PCDHB15: variants seen among roughly 807,000 people sequenced by gnomAD.
PCDHB15 encodes protocadherin beta-15.
For missense variants in PCDHB15, 1,032 were observed against 991.7 expected (o/e 1.04, Z -0.55); for synonymous variants, 492 against 447.9 (o/e 1.10, Z -1.24).
rs782593564 is a variant in PCDHB15 at position 141,246,408 on chromosome 5, TATC to T, written c.833_835del (p.Ser278del). On this transcript the variant is annotated inframe_deletion, in exon 1 of 1. Transcript: ENST00000231173. ...TTAGACACTGGGACAAATGGAGAGA[TATC>T]ATACTCCCTTTATTACAGCTCTCAG... 2 of 1,613,584 alleles carry T rather than the reference TATC, an allele frequency of 1.2e-6. No homozygotes were observed. Among genetic ancestry groups the T allele is most frequent in the South Asian group, 1.1e-5 (1 of 91,080 alleles).
In PCDHB15 at chr5:141,246,869, C is replaced by T; in HGVS notation, c.1291C>T (p.Leu431=). 1 of 1,614,146 alleles carries T rather than the reference C, an allele frequency of 6.2e-7. No individual in the cohort carries two copies. The highest frequency in any genetic ancestry group is 1.1e-5 in the South Asian group (1 of 91,080). ...ITITDLGTPR[L]KTEQSITVLV... ...CATCACAGACTTGGGGACTCCAAGGCTGAAAACCGAGCAGAGCATAACCGT... is the reference window on the plus strand; with the variant it reads ...CATCACAGACTTGGGGACTCCAAGGTTGAAAACCGAGCAGAGCATAACCGT... Residue 431 remains leucine (L), a synonymous_variant, in exon 1 of 1, where the codon CTG becomes TTG. Coordinates refer to ENST00000231173, the MANE Select transcript of PCDHB15 (RefSeq NM_018935.4).
Position 141,247,705 on chromosome 5 carries a change from G to A in PCDHB15, c.2127G>A (p.Val709=). The A allele has an allele frequency of 1.2e-6, 2 of 1,612,696 alleles. No homozygotes were observed. Among genetic ancestry groups the A allele is most frequent in the Non-Finnish European group, 8.5e-7 (1 of 1,179,968 alleles). Reference sequence around the variant, plus strand: ...TCCTCTTCTCGGTGTTCCTGTTCGTGGCAGTGCGGCTGTGCAGGAGGAGCA... The same window carrying A: ...TCCTCTTCTCGGTGTTCCTGTTCGTAGCAGTGCGGCTGTGCAGGAGGAGCA... ...SLFLFSVFLF[V]AVRLCRRSRA... is the part of the protein sequence containing the mutation. Residue 709 remains valine, a synonymous_variant, in exon 1 of 1, where the codon GTG becomes GTA. Coordinates refer to ENST00000231173, the MANE Select transcript of PCDHB15 (RefSeq NM_018935.4).
Position 141,247,262 on chromosome 5 carries a change from C to G in PCDHB15, c.1684C>G (p.Leu562Val). ...CGCCAACGACAACTCGCCCTTCGTG[C>G]TGTACCCGCTGCAGAACGGCTCCGC... ...LDANDNSPFV[L>V]YPLQNGSAPC... The change falls in exon 1 of 1, where the codon CTG (leucine) becomes GTG (valine). Residue 562 changes from leucine (L) to valine (V), a missense_variant. Leu to Val is a conservative substitution (Grantham distance 32). Transcript: ENST00000231173. The G allele has an allele frequency of 6.2e-7, 1 of 1,611,250 alleles. No individual in the cohort carries two copies. Among genetic ancestry groups the G allele is most frequent in the Non-Finnish European group, 8.5e-7 (1 of 1,179,570 alleles).
rs782156302 is a variant in PCDHB15 at position 141,247,838 on chromosome 5, T to C, written c.2260T>C (p.Cys754Arg). ...TLSQSYQYEVCLTGGSESNDF... is the reference protein window; with the variant it reads ...TLSQSYQYEVRLTGGSESNDF... The stretch of plus-strand genomic sequence containing the variant: ...TTCCCAGAGCTACCAGTACGAGGTG[T>C]GTCTGACGGGAGGCTCTGAAAGTAA... Residue 754 changes from cysteine to arginine, a missense_variant, in exon 1 of 1, where the codon TGT becomes CGT. Coordinates refer to ENST00000231173, the MANE Select transcript of PCDHB15 (RefSeq NM_018935.4). 1 of 1,614,212 alleles carries C rather than the reference T, an allele frequency of 6.2e-7. No homozygotes were observed. Among genetic ancestry groups the C allele is most frequent in the East Asian group, 2.2e-5 (1 of 44,876 alleles).
In PCDHB15 at chr5:141,247,387, G is replaced by A. The variant is rs782813959; in HGVS notation, c.1809G>A (p.Ser603=). 22 of 1,605,050 alleles carry A rather than the reference G, an allele frequency of 1.4e-5. No individual in the cohort carries two copies. The Admixed American group carries it at 3.5e-4, about 26-fold the overall frequency. The part of the protein sequence containing the change: ...DGDSGQNAWL[S]YQLLKATEPG... ...ACTCGGGCCAGAACGCCTGGCTGTCGTACCAGCTGCTCAAGGCCACGGAGC... is the reference window on the plus strand; with the variant it reads ...ACTCGGGCCAGAACGCCTGGCTGTCATACCAGCTGCTCAAGGCCACGGAGC... Residue 603 remains serine, a synonymous_variant, in exon 1 of 1, where the codon TCG becomes TCA. Transcript: ENST00000231173.
At position 141,248,027 on chromosome 5, in the gene PCDHB15, T is replaced by C; in HGVS notation, c.*85T>C. 7.5e-7 allele frequency: 1 copy of C among 1,332,466 alleles called. No homozygotes were observed. The highest frequency in any genetic ancestry group is 1.0e-6 in the Non-Finnish European group (1 of 987,442). 82.5% of individuals were successfully genotyped at this position (1,332,466 alleles called of 1,614,324 possible). On this transcript the variant is annotated 3_prime_UTR_variant, in exon 1 of 1. Coordinates refer to ENST00000231173, the MANE Select transcript of PCDHB15 (RefSeq NM_018935.4). Reference sequence around the variant, plus strand: ...AGTTTTTTTTAACCCTTTAGTAATCTTGAATTCTACTTTTTTTTAAATTTC... The same window carrying C: ...AGTTTTTTTTAACCCTTTAGTAATCCTGAATTCTACTTTTTTTTAAATTTC...
Position 141,246,746 on chromosome 5 carries a change from C to T in PCDHB15, c.1168C>T (p.Pro390Ser). The T allele has an allele frequency of 6.2e-7, 1 of 1,613,952 alleles. No individual in the cohort carries two copies. The highest frequency in any genetic ancestry group is 1.1e-5 in the South Asian group (1 of 91,074). The change falls in exon 1 of 1, where the codon CCT (proline) becomes TCT (serine). Residue 390 changes from proline to serine, a missense_variant. Physicochemically the swap from Pro to Ser is moderately conservative, Grantham distance 74 (BLOSUM62 -1). Coordinates refer to ENST00000231173, the MANE Select transcript of PCDHB15 (RefSeq NM_018935.4). ...GATTTGCTCAATTCAGGATGATGTT[C>T]CTTTTAAGCTAAAACCTTCTGTTGA... ...KMICSIQDDV[P>S]FKLKPSVENF...
Position 141,246,887 on chromosome 5 carries a change from A to G in PCDHB15, c.1309A>G (p.Ile437Val). 6.2e-7 allele frequency: 1 copy of G among 1,614,076 alleles called. No individual in the cohort carries two copies. The highest frequency in any genetic ancestry group is 8.5e-7 in the Non-Finnish European group (1 of 1,180,022). The stretch of plus-strand genomic sequence containing the variant: ...TCCAAGGCTGAAAACCGAGCAGAGC[A>G]TAACCGTGCTGGTGTCGGACGTCAA... ...GTPRLKTEQS[I>V]TVLVSDVNDN... Residue 437 changes from isoleucine (I) to valine (V), a missense_variant, in exon 1 of 1, where the codon ATA becomes GTA. By Grantham distance (29) the Ile-to-Val change is conservative. Transcript: ENST00000231173.
Position 141,247,637 on chromosome 5 carries a change from A to C in PCDHB15, c.2059A>C (p.Thr687Pro). 6.2e-7 allele frequency: 1 copy of C among 1,610,190 alleles called. No individual in the cohort carries two copies. The highest frequency in any genetic ancestry group is 8.5e-7 in the Non-Finnish European group (1 of 1,179,760). ...GGCCCAAGCCCAGGCCGACTCGCTT[A>C]CCGTCTACCTGGTGGTGGCATTGGC... ...APAQAQADSL[T>P]VYLVVALASV... is the part of the protein sequence containing the mutation. The change falls in exon 1 of 1, where the codon ACC (threonine) becomes CCC (proline). Residue 687 changes from threonine (T) to proline (P), a missense_variant. Thr to Pro is a conservative substitution (Grantham distance 38, BLOSUM62 -1). Coordinates refer to ENST00000231173, the MANE Select transcript of PCDHB15 (RefSeq NM_018935.4).
In PCDHB15 at chr5:141,247,657, A is replaced by T. The variant is rs141485224; in HGVS notation, c.2079A>T (p.Ala693=). The change falls in exon 1 of 1, where the codon GCA becomes GCT. Residue 693 remains alanine (A), a synonymous_variant. Coordinates refer to ENST00000231173, the MANE Select transcript of PCDHB15 (RefSeq NM_018935.4). ...ADSLTVYLVV[A]LASVSSLFLF... The stretch of plus-strand genomic sequence containing the variant: ...CGCTTACCGTCTACCTGGTGGTGGC[A>T]TTGGCCTCGGTGTCTTCGCTCTTCC... 3.1e-6 allele frequency: 5 copies of T among 1,610,180 alleles called. No individual in the cohort carries two copies. The African/African-American group carries it at 5.3e-5, about 17-fold the overall frequency.
rs375776660 is a variant in PCDHB15 at position 141,247,115 on chromosome 5, C to A, written c.1537C>A (p.Leu513Met). 3 of 1,613,904 alleles carry A rather than the reference C, an allele frequency of 1.9e-6. No individual in the cohort carries two copies. The highest frequency in any genetic ancestry group is 2.5e-6 in the Non-Finnish European group (3 of 1,179,964). ...CTCCATTAACACGGACAACGGCCAC[C>A]TGTTCGCTCTCCAGTCGCTGGACTA... ...LVSINTDNGH[L>M]FALQSLDYEA... The change falls in exon 1 of 1, where the codon CTG becomes ATG. Residue 513 changes from leucine (L) to methionine (M), a missense_variant. By Grantham distance (15) the Leu-to-Met change is conservative. Coordinates refer to ENST00000231173, the MANE Select transcript of PCDHB15 (RefSeq NM_018935.4).
chr5:141,247,066 G>A lies in PCDHB15; in HGVS notation c.1488G>A (p.Pro496=), dbSNP rs546282724. The change falls in exon 1 of 1, where the codon CCG becomes CCA. Residue 496 remains proline (P), a synonymous_variant. Transcript: ENST00000231173. ...ACTCGCTGCTGCCGCCCCGGGACCC[G>A]CACCTGCCCCTCACCTCCCTGGTCT... ...VTYSLLPPRD[P]HLPLTSLVSI... 3.3e-5 allele frequency: 54 copies of A among 1,613,824 alleles called. No homozygotes were observed. The South Asian group carries it at 4.2e-4, about 12-fold the overall frequency.
Position 141,246,261 on chromosome 5 carries a change from T to G in PCDHB15, c.683T>G (p.Ile228Ser). The change falls in exon 1 of 1, where the codon ATC becomes AGC. Residue 228 changes from isoleucine to serine, a missense_variant. Physicochemically the swap from Ile to Ser is moderately radical, Grantham distance 142 (BLOSUM62 -2). Coordinates refer to ENST00000231173, the MANE Select transcript of PCDHB15 (RefSeq NM_018935.4). ...CCACCCCGATCTGGCACCGTCCAGA[T>G]CCTCATCTTGGTCTTGGACGCCAAT... is the stretch of plus-strand genomic sequence containing the variant. ...GSPPRSGTVQ[I>S]LILVLDANDN... 6.2e-7 allele frequency: 1 copy of G among 1,614,092 alleles called. No homozygotes were observed. Among genetic ancestry groups the G allele is most frequent in the Non-Finnish European group, 8.5e-7 (1 of 1,180,006 alleles).
Position 141,246,490 on chromosome 5 carries a change from T to G in PCDHB15, c.912T>G (p.Ile304Met). 1 of 1,614,156 alleles carries G rather than the reference T, an allele frequency of 6.2e-7. No homozygotes were observed. Among genetic ancestry groups the G allele is most frequent in the East Asian group, 2.2e-5 (1 of 44,888 alleles). Residue 304 changes from isoleucine (I) to methionine (M), a missense_variant, in exon 1 of 1, where the codon ATT becomes ATG. Physicochemically the swap from Ile to Met is conservative, Grantham distance 10. Transcript: ENST00000231173. ...GCCTTTCAGGAGAAATTCGACTAAT[T>G]AAAAAACTAGATTTTGAGACAATGT... ...LSSLSGEIRL[I>M]KKLDFETMSS...
At position 141,248,078 on chromosome 5, in the gene PCDHB15, C is replaced by G; in HGVS notation, c.*136C>G. 1.3e-6 allele frequency: 1 copy of G among 741,182 alleles called. No individual in the cohort carries two copies. Among genetic ancestry groups the G allele is most frequent in the South Asian group, 3.1e-5 (1 of 31,814 alleles). The allele number at this position is 741,182 out of a possible 1,614,324, so 45.9% of individuals were successfully genotyped here. A position where few individuals can be genotyped will look rare whatever the true frequency, so the allele number is the denominator to read the frequency against. On this transcript the variant is annotated 3_prime_UTR_variant, in exon 1 of 1. Coordinates refer to ENST00000231173, the MANE Select transcript of PCDHB15 (RefSeq NM_018935.4). The stretch of plus-strand genomic sequence containing the variant: ...TACTGTTGTCTTTAGTAATGTTACT[C>G]ATTTCCTTTGTCTGATTGTTAGTTT...
Position 141,247,983 on chromosome 5 carries a change from C to T in PCDHB15, c.*41C>T, listed in dbSNP as rs1416650172. On this transcript the variant is annotated 3_prime_UTR_variant, in exon 1 of 1. Coordinates refer to ENST00000231173, the MANE Select transcript of PCDHB15 (RefSeq NM_018935.4). ...CTTTCCGACCGTCTGTTAATTTTGT[C>T]TTCCTCACTTTTCACCTTAGTTTTT... is the stretch of plus-strand genomic sequence containing the variant. The T allele has an allele frequency of 6.6e-7, 1 of 1,519,210 alleles. No homozygotes were observed. Among genetic ancestry groups the T allele is most frequent in the Non-Finnish European group, 8.8e-7 (1 of 1,134,616 alleles). The allele number at this position is 1,519,210 out of a possible 1,614,324, so 94.1% of individuals were successfully genotyped here. A position where few individuals can be genotyped will look rare whatever the true frequency, so the allele number is the denominator to read the frequency against.
At position 141,247,220 on chromosome 5, in the gene PCDHB15, C is replaced by A. The variant is rs367570403; in HGVS notation, c.1642C>A (p.Arg548=). ...GGCGCTGAGCAGCGAGGCGCTGGTGCGAGTGCTGGTGCTGGACGCCAACGA... is the reference window on the plus strand; with the variant it reads ...GGCGCTGAGCAGCGAGGCGCTGGTGAGAGTGCTGGTGCTGGACGCCAACGA... The part of the protein sequence containing the change: ...FPALSSEALV[R]VLVLDANDNS... The change falls in exon 1 of 1, where the codon CGA becomes AGA. Residue 548 remains arginine, a synonymous_variant. Coordinates refer to ENST00000231173, the MANE Select transcript of PCDHB15 (RefSeq NM_018935.4). 10 of 1,611,988 alleles carry A rather than the reference C, an allele frequency of 6.2e-6. No homozygotes were observed. In the East Asian group the frequency reaches 1.3e-4, roughly 22 times the overall value.
Position 141,246,676 on chromosome 5 carries a change from C to T in PCDHB15, c.1098C>T (p.Ala366=). 2 of 1,613,964 alleles carry T rather than the reference C, an allele frequency of 1.2e-6. No homozygotes were observed. The highest frequency in any genetic ancestry group is 1.7e-5 in the Admixed American group (1 of 60,008). The stretch of plus-strand genomic sequence containing the variant: ...AGAATTCTCCAGAGACAGAAGTGGC[C>T]CTGTTTAGGATTAGAGACCGAGACT... The part of the protein sequence containing the change: ...IPENSPETEV[A]LFRIRDRDSG... Residue 366 remains alanine (A), a synonymous_variant, in exon 1 of 1, where the codon GCC becomes GCT. Transcript: ENST00000231173.
Position 141,245,745 on chromosome 5 carries a change from T to C in PCDHB15, c.167T>C (p.Val56Ala), listed in dbSNP as rs781929162. The change falls in exon 1 of 1, where the codon GTG becomes GCG. Residue 56 changes from valine (V) to alanine (A), a missense_variant. Val to Ala is a moderately conservative substitution (Grantham distance 64, BLOSUM62 0). Transcript: ENST00000231173. Reference protein sequence around the residue: ...ANLANDLGLGVGELAERGARV... With the variant: ...ANLANDLGLGAGELAERGARV... ...CTGGCCAATGACCTAGGGCTGGGAGTGGGGGAGCTAGCCGAGCGGGGAGCC... is the reference window on the plus strand; with the variant it reads ...CTGGCCAATGACCTAGGGCTGGGAGCGGGGGAGCTAGCCGAGCGGGGAGCC... The C allele has an allele frequency of 6.2e-7, 1 of 1,613,606 alleles. No individual in the cohort carries two copies. The highest frequency in any genetic ancestry group is 8.5e-7 in the Non-Finnish European group (1 of 1,179,926).
Sources: allele counts gnomAD v4.1 joint callset, GRCh38; gene constraint gnomAD v4.1.1; transcripts MANE v1.5; gene names NCBI Gene and HGNC (gene_info 2026-07-23, HGNC 2026-07-21).